PRDM16: variants seen among roughly 807,000 people sequenced by gnomAD.
PRDM16 encodes the protein histone-lysine N-methyltransferase PRDM16.
PRDM16 carries 23 observed loss-of-function variants against 110.6 expected under a neutral mutation model. The observed-to-expected ratio is 0.21, with a 90% confidence interval of 0.15 to 0.29. PRDM16 has a LOEUF of 0.29. Ranked by LOEUF, PRDM16 falls within the 10% of genes least tolerant of loss-of-function variation. PRDM16 has a pLI of 1.00. For missense variants in PRDM16, 1,615 were observed against 1,794.3 expected (o/e 0.90, Z 1.81); for synonymous variants, 799 against 781.8 (o/e 1.02, Z -0.37).
chr1:3,428,740 T>C (rs1557671760), intron 14 of PRDM16, among the ~76,000 whole-genome samples: 1 of 152,120 alleles, frequency 6.6e-6, no homozygotes, highest in Non-Finnish European at 1.5e-5. Flanking sequence ...AACCCCTGAG[T>C]TGAATCATGT....
chr1:3,340,998 C>G (rs1272073641), intron 3 of PRDM16, among the ~76,000 whole-genome samples: 1 of 152,120 alleles, frequency 6.6e-6, no homozygotes, highest in East Asian at 1.9e-4. Flanking sequence ...TGTGTGGCAG[C>G]TGAAGGCTCC....
intron 16 of PRDM16, among the ~76,000 whole-genome samples, chr1:3,433,312 G>A (rs921700508): frequency 1.3e-5 from 2 of 152,254 alleles, no homozygotes; most frequent in Non-Finnish European, 2.9e-5. Context: ...GGGAGAATCC[G>A]GGTCTTAGTC....
At chr1:3,428,299 C>T (rs1638671411) in intron 14 of PRDM16, among the ~76,000 whole-genome samples, 3 of 151,852 alleles carry the variant, frequency 2.0e-5, no homozygotes. Context: ...GGACCCCGAG[C>T]TAGGGTGCAG....
chr1:3,299,422 G>C (rs111827991), intron 3 of PRDM16, among the ~76,000 whole-genome samples: 3 of 69,478 alleles, frequency 4.3e-5, no homozygotes, highest in African/African-American at 1.2e-4. Flanking sequence ...TGCTGTGGCC[G>C]TGATGTTTCC....
At position 3,078,891 on chromosome 1, in the gene PRDM16, C is replaced by A. The variant is rs1415391898; in HGVS notation, c.37+9595C>A. Among the ~76,000 whole-genome samples the A allele has an allele frequency of 3.9e-5, 6 of 152,356 alleles. No individual in the cohort carries two copies. In the East Asian group the frequency reaches 1.2e-3, roughly 29 times the overall value. ...TGGGTCTCCCAGGGAAAGGGGAACG[C>A]ATTGAAAAATGCCCAGACATTTCTC... On this transcript the variant is annotated intron_variant, in intron 1 of 16. Transcript: ENST00000270722.
intron 3 of PRDM16, among the ~76,000 whole-genome samples, chr1:3,367,104 C>T (rs549008642): frequency 3.3e-5 from 5 of 152,220 alleles, no homozygotes; most frequent in East Asian, 3.9e-4. Context: ...GTCATCTCTA[C>T]GAAAAATACA....
intron 2 of PRDM16, among the ~76,000 whole-genome samples, chr1:3,189,251 C>T (rs1638235024): frequency 6.6e-6 from 1 of 152,238 alleles, no homozygotes; most frequent in South Asian, 2.1e-4. Flanking sequence ...CTCACACCAA[C>T]AAGCGGCCCT....
chr1:3,340,723 C>T (rs929638954), intron 3 of PRDM16, among the ~76,000 whole-genome samples: 10 of 152,188 alleles, frequency 6.6e-5, no homozygotes, highest in African/African-American at 2.4e-4. Context: ...TAAATGTTTC[C>T]ACTCACTGGG....
chr1:3,273,255 G>T (rs1210999573), intron 3 of PRDM16, among the ~76,000 whole-genome samples: 1 of 152,156 alleles, frequency 6.6e-6, no homozygotes, highest in South Asian at 2.1e-4. Context: ...CCTCCCCAGG[G>T]CACCAACCTT....
At position 3,206,070 on chromosome 1, in the gene PRDM16, C is replaced by T. The variant is rs949405027; in HGVS notation, c.387+19596C>T. On this transcript the variant is annotated intron_variant, in intron 2 of 16. Transcript: ENST00000270722. The surrounding 1 kb of genome is among the most constrained non-coding windows in gnomAD (Gnocchi z 4.9). ...CTAACAGCCCCCTACCTGCGTTCCC[C>T]ATGACCGGTGCTCACAACAGAGGTG... The T allele has an allele frequency of 3.3e-5, 5 of 152,278 alleles. 1 individual carries two copies. The highest frequency in any genetic ancestry group is 2.1e-4 in the South Asian group (1 of 4,838). The allele number at this position is 152,278 out of a possible 1,614,324, so 9.4% of individuals were successfully genotyped here. A position where few individuals can be genotyped will look rare whatever the true frequency, so the allele number is the denominator to read the frequency against.
chr1:3,211,168 GTC>G (rs1638874270), intron 2 of PRDM16, among the ~76,000 whole-genome samples: 1 of 152,180 alleles, frequency 6.6e-6, no homozygotes, highest in African/African-American at 2.4e-5. Flanking sequence ...CTGCTTGTCT[GTC>G]TCTGCACTCA....
intron 3 of PRDM16, among the ~76,000 whole-genome samples, chr1:3,294,604 C>T (rs945930177): frequency 3.9e-5 from 6 of 152,126 alleles, no homozygotes; most frequent in African/African-American, 1.2e-4. Flanking sequence ...CGGAGCAGCC[C>T]GCGTTAGAAC....
chr1:3,163,776 C>T (rs1019348441), intron 1 of PRDM16, among the ~76,000 whole-genome samples: 2 of 152,188 alleles, frequency 1.3e-5, no homozygotes, highest in Non-Finnish European at 2.9e-5. Flanking sequence ...CTACCCCGTG[C>T]GTGTTCACGT....
intron 3 of PRDM16, among the ~76,000 whole-genome samples, chr1:3,348,426 T>C (rs1290442371): frequency 1.3e-5 from 2 of 152,184 alleles, no homozygotes; most frequent in African/African-American, 4.8e-5. Context: ...GGGGCAGCTC[T>C]TCAGCACCAT....
rs1055169060 is a variant in PRDM16 at position 3,344,797 on chromosome 1, G to T, written c.439-40355G>T. On this transcript the variant is annotated intron_variant, in intron 3 of 16. Coordinates refer to ENST00000270722, the MANE Select transcript of PRDM16 (RefSeq NM_022114.4). Reference sequence around the variant, plus strand: ...CTTTAGGATTAGTCTTTGTTCTTAAGGCTCAGCCCTTCTGGGACTTTAGTG... The same window carrying T: ...CTTTAGGATTAGTCTTTGTTCTTAATGCTCAGCCCTTCTGGGACTTTAGTG... Among the ~76,000 whole-genome samples the T allele has an allele frequency of 3.9e-5, 6 of 152,320 alleles. No homozygotes were observed. In the East Asian group the frequency reaches 1.2e-3, roughly 29 times the overall value.
At chr1:3,110,957 G>A (rs942806842) in intron 1 of PRDM16, among the ~76,000 whole-genome samples, 16 of 152,222 alleles carry the variant, frequency 1.1e-4, no homozygotes, top group Non-Finnish European at 2.2e-4. Context: ...GAGATTGCCC[G>A]GTTCTGGGCA....
At position 3,390,581 on chromosome 1, in the gene PRDM16, G is replaced by T. The variant is rs940859339; in HGVS notation, c.573+5295G>T. Among the ~76,000 whole-genome samples, 1 of 152,140 alleles carries T rather than the reference G, an allele frequency of 6.6e-6. No individual in the cohort carries two copies. Among genetic ancestry groups the T allele is most frequent in the Non-Finnish European group, 1.5e-5 (1 of 68,024 alleles). On this transcript the variant is annotated intron_variant, in intron 4 of 16. Coordinates refer to ENST00000270722, the MANE Select transcript of PRDM16 (RefSeq NM_022114.4). This position sits in a 1 kb window ranked among gnomAD's most constrained non-coding sequence, Gnocchi z 5.0. Reference sequence around the variant, plus strand: ...GCATTGTGTTAGAAGAGTGGCCGCCGGTGGCCAGGCAGCACCGCGTGGACA... The same window carrying T: ...GCATTGTGTTAGAAGAGTGGCCGCCTGTGGCCAGGCAGCACCGCGTGGACA...
chr1:3,430,918 G>A lies in PRDM16; in HGVS notation c.3331G>A (p.Ala1111Thr). 1 of 1,614,172 alleles carries A rather than the reference G, an allele frequency of 6.2e-7. No individual in the cohort carries two copies. The highest frequency in any genetic ancestry group is 8.5e-7 in the Non-Finnish European group (1 of 1,180,032). ...CGGCAGTGCCCAGTGTCCAGGCCTA[G>A]CCAGTGAGAAGCAGGAGGACGTGGA... is the stretch of plus-strand genomic sequence containing the variant. Reference protein sequence around the residue: ...VDGSAQCPGLASEKQEDVEEE... With the variant: ...VDGSAQCPGLTSEKQEDVEEE... The change falls in exon 15 of 17, where the codon GCC becomes ACC. Residue 1111 changes from alanine (A) to threonine (T), a missense_variant. This residue lies in a region of PRDM16 where 327 missense variants were observed against 359.3 expected (regional missense o/e 0.91). Transcript: ENST00000270722.
chr1:3,135,415 T>C (rs765113196), intron 1 of PRDM16, among the ~76,000 whole-genome samples: 13 of 152,190 alleles, frequency 8.5e-5, no homozygotes, highest in African/African-American at 1.2e-4. Flanking sequence ...CCCACATTTC[T>C]TATCTGAGTT....
Sources: allele counts gnomAD v4.1 joint callset (sites outside exome capture counted in the v4.1 genomes callset), GRCh38; gene constraint gnomAD v4.1.1; regional missense constraint gnomAD v4.1.1; non-coding constraint Gnocchi (gnomAD v3.1); transcripts MANE v1.5; gene names NCBI Gene and HGNC (gene_info 2026-07-23, HGNC 2026-07-21).